Variants in LDB2 observed in about 807,000 individuals in gnomAD.
The protein encoded by LDB2 is LIM domain-binding protein 2.
In LDB2, 12 loss-of-function variants were observed where a neutral mutation model predicts 44.3. The observed-to-expected ratio is 0.27, with a 90% CI of 0.17 to 0.44. The LOEUF (loss-of-function observed/expected upper bound fraction) is 0.44. Ranked by LOEUF, LDB2 falls within the 20% of genes least tolerant of loss-of-function variation. The probability of loss-of-function intolerance (pLI) is 1.00; values close to 1 mark genes in which losing one functional copy is unlikely to be tolerated. For synonymous variants in LDB2, 164 were observed against 174.8 expected (o/e 0.94, Z 0.49); for missense variants, 344 against 473.5 (o/e 0.73, Z 2.54).
intron 1 of LDB2, among the ~76,000 whole-genome samples, chr4:16,792,482 T>C (rs866290565): frequency 6.6e-6 from 1 of 152,224 alleles, no homozygotes; most frequent in African/African-American, 2.4e-5. Context: ...TTTTAAGACC[T>C]ATTTCACCTT....
Position 16,631,085 on chromosome 4 carries a change from T to A in LDB2, c.236-35210A>T, listed in dbSNP as rs540581075. ...AACTCAGCTCTGGACCAAGTGGACA[T>A]GATAGACATCTACAGAATTCTCCAC... On this transcript the variant is annotated intron_variant, in intron 2 of 7. Transcript: ENST00000304523. Among the ~76,000 whole-genome samples the A allele has an allele frequency of 4.6e-5, 7 of 152,312 alleles. No individual in the cohort carries two copies. In the East Asian group the frequency reaches 1.4e-3, roughly 29 times the overall value.
chr4:16,870,145 G>T (rs1012652576), intron 1 of LDB2, among the ~76,000 whole-genome samples: 2 of 152,164 alleles, frequency 1.3e-5, no homozygotes, highest in African/African-American at 4.8e-5. Flanking sequence ...GGAAGGAGAT[G>T]CAGAAGATGC....
intron 2 of LDB2, among the ~76,000 whole-genome samples, chr4:16,619,466 CA>C (rs539033489): frequency 4.7e-4 from 72 of 152,220 alleles, no homozygotes; most frequent in African/African-American, 1.6e-3. Flanking sequence ...CTAACATTCC[CA>C]AACTGTTATG....
At chr4:16,524,176 C>T (rs1727332417) in intron 5 of LDB2, among the ~76,000 whole-genome samples, 1 of 152,216 alleles carries the variant, frequency 6.6e-6, no homozygotes, top group Admixed American at 6.5e-5. Context: ...GCATGTATCA[C>T]ATAGTATTTA....
intron 1 of LDB2, among the ~76,000 whole-genome samples, chr4:16,771,105 T>C (rs1464509682): frequency 1.3e-5 from 2 of 152,142 alleles, no homozygotes; most frequent in East Asian, 1.9e-4. Context: ...ACCCACCCTA[T>C]TGCATTTGAA....
rs548256969 is a variant in LDB2 at position 16,567,523 on chromosome 4, G to A, written c.615+18399C>T. On this transcript the variant is annotated intron_variant, in intron 5 of 7. Transcript: ENST00000304523. ...GCCTCTCTCTAGAGAGGGGAACTGA[G>A]TGTTTGGGAGGCCGAGGCGGGCGGA... Among the ~76,000 whole-genome samples the A allele has an allele frequency of 1.7e-3, 260 of 152,222 alleles. 1 individual carries two copies. The highest frequency in any genetic ancestry group is 6.0e-3 in the African/African-American group (250 of 41,532).
At chr4:16,508,902 A>G (rs937174529) in intron 6 of LDB2, among the ~76,000 whole-genome samples, 1 of 128,862 alleles carries the variant, frequency 7.8e-6, no homozygotes, top group Non-Finnish European at 1.7e-5. Flanking sequence ...TGTGTAGATC[A>G]AATAATTTTT....
chr4:16,835,286 G>A (rs1784714244), intron 1 of LDB2, among the ~76,000 whole-genome samples: 1 of 152,158 alleles, frequency 6.6e-6, no homozygotes, highest in Admixed American at 6.5e-5. Context: ...GCCAGTCAAT[G>A]CCATCCCCAC....
intron 1 of LDB2, among the ~76,000 whole-genome samples, chr4:16,781,191 C>A (rs927342798): frequency 2.0e-5 from 3 of 152,144 alleles, no homozygotes; most frequent in Non-Finnish European, 4.4e-5. Context: ...AGGGATGCCA[C>A]AGATCAGAAG....
At chr4:16,652,531 G>T (rs1479883565) in intron 2 of LDB2, among the ~76,000 whole-genome samples, 1 of 152,138 alleles carries the variant, frequency 6.6e-6, no homozygotes, top group Non-Finnish European at 1.5e-5. Context: ...ATGGACTTCT[G>T]CCACCCCATT....
intron 5 of LDB2, among the ~76,000 whole-genome samples, chr4:16,549,664 A>G (rs1379169367): frequency 6.6e-6 from 1 of 152,124 alleles, no homozygotes; most frequent in Non-Finnish European, 1.5e-5. Context: ...AAAGACCTGC[A>G]ATGTTACCCA....
rs925898384 is a variant in LDB2 at position 16,568,240 on chromosome 4, G to A, written c.615+17682C>T. Among the ~76,000 whole-genome samples the A allele has an allele frequency of 5.4e-4, 82 of 152,180 alleles. 1 individual carries two copies. The highest frequency in any genetic ancestry group is 8.8e-5 in the Non-Finnish European group (6 of 68,040). ...CTGAACCTACTTCTAGATTTAGAGA[G>A]TAAGGAATCAGAGAATTAATTAAAC... On this transcript the variant is annotated intron_variant, in intron 5 of 7. Transcript: ENST00000304523.
intron 1 of LDB2, among the ~76,000 whole-genome samples, chr4:16,808,121 GAAAGGAA>G (rs1779133510): frequency 6.6e-6 from 1 of 152,110 alleles, no homozygotes; most frequent in African/African-American, 2.4e-5. Flanking sequence ...GGAAAAAAAG[GAAAGGAA>G]AGCAGAAAAT....
chr4:16,677,102 ATGTGTTGGAGTTATAG>A (rs1746544727), intron 2 of LDB2, among the ~76,000 whole-genome samples: 1 of 152,206 alleles, frequency 6.6e-6, no homozygotes, highest in African/African-American at 2.4e-5. Flanking sequence ...AATAGCGCCT[ATGTGTTGGAGTTATAG>A]TGTGAATATC....
At chr4:16,653,576 C>T (rs1738904281) in intron 2 of LDB2, among the ~76,000 whole-genome samples, 1 of 152,192 alleles carries the variant, frequency 6.6e-6, no homozygotes, top group African/African-American at 2.4e-5. Flanking sequence ...CACTCTTCTC[C>T]AAAGTGTTTA....
At chr4:16,554,696 A>G (rs755069927) in intron 5 of LDB2, among the ~76,000 whole-genome samples, 1 of 152,256 alleles carries the variant, frequency 6.6e-6, no homozygotes, top group East Asian at 1.9e-4. Flanking sequence ...GATTACAACC[A>G]TATAACATTC....
chr4:16,535,561 C>T (rs773090212), intron 5 of LDB2, among the ~76,000 whole-genome samples: 16 of 152,236 alleles, frequency 1.1e-4, no homozygotes, highest in East Asian at 3.9e-4. Context: ...ACACGGGCTG[C>T]GGAATACACC....
At chr4:16,538,717 G>A (rs917947179) in intron 5 of LDB2, among the ~76,000 whole-genome samples, 13 of 152,174 alleles carry the variant, frequency 8.5e-5, no homozygotes, top group Admixed American at 1.3e-4. Context: ...TCATAAGACT[G>A]AGTCAATTGA....
At chr4:16,865,805 T>C (rs4698515) in intron 1 of LDB2, among the ~76,000 whole-genome samples, 40,491 of 152,102 alleles carry the variant, frequency 0.27, 6,143 homozygotes, top group East Asian at 0.68. Context: ...CTCATTCACC[T>C]TTCCAGCCAC....
Sources: allele counts gnomAD v4.1 joint callset (sites outside exome capture counted in the v4.1 genomes callset), GRCh38; gene constraint gnomAD v4.1.1; transcripts MANE v1.5; gene names NCBI Gene and HGNC (gene_info 2026-07-23, HGNC 2026-07-21).